PTPRD: variants seen among roughly 807,000 people sequenced by gnomAD.
The protein encoded by PTPRD is protein tyrosine phosphatase receptor type D, also known as receptor-type tyrosine-protein phosphatase delta.
In PTPRD, 34 loss-of-function variants were observed where a neutral mutation model predicts 214.5. That is an observed-to-expected ratio of 0.16 (90% CI 0.12 to 0.21). The LOEUF (loss-of-function observed/expected upper bound fraction) is 0.21. PTPRD is among the 10% of genes least tolerant of loss of function. The pLI is 1.00. For missense variants in PTPRD, 2,545 were observed against 2,398.7 expected (o/e 1.06, Z -1.27); for synonymous variants, 1,128 against 845.7 (o/e 1.33, Z -5.79).
chr9:9,612,922 T>G (rs371337011), intron 7 of PTPRD, among the ~76,000 whole-genome samples: 3 of 151,768 alleles, frequency 2.0e-5, no homozygotes, highest in Non-Finnish European at 4.4e-5. Context: ...CTAGGGTATT[T>G]ACATGGCCAG....
intron 37 of PTPRD, among the ~76,000 whole-genome samples, chr9:8,386,456 T>A (rs934962345): frequency 6.6e-6 from 1 of 152,228 alleles, no homozygotes; most frequent in South Asian, 2.1e-4. Context: ...TAGGAATGAA[T>A]ATTATTTTAA....
chr9:9,924,285 A>C (rs1025688728), intron 5 of PTPRD, among the ~76,000 whole-genome samples: 2 of 152,054 alleles, frequency 1.3e-5, no homozygotes, highest in Non-Finnish European at 2.9e-5. Context: ...TTAAATTAAA[A>C]ACAATTAAGG....
intron 20 of PTPRD, among the ~76,000 whole-genome samples, chr9:8,519,382 C>T (rs1300100430): frequency 1.3e-5 from 2 of 152,162 alleles, no homozygotes; most frequent in Non-Finnish European, 2.9e-5. Flanking sequence ...TTGCTGACCT[C>T]ATATTCAAGT....
intron 3 of PTPRD, among the ~76,000 whole-genome samples, chr9:10,171,235 C>A (rs1593076482): frequency 6.6e-6 from 1 of 152,168 alleles, no homozygotes; most frequent in East Asian, 1.9e-4. Flanking sequence ...ACCCAAATCT[C>A]ATCCTGAGTT....
chr9:8,892,167 A>G lies in PTPRD; in HGVS notation c.-104+126530T>C, dbSNP rs1455144528. On this transcript the variant is annotated intron_variant, in intron 11 of 45. Coordinates refer to ENST00000381196, the MANE Select transcript of PTPRD (RefSeq NM_002839.4). ...AGCATGGGAGAGTTCAGTATGACTA[A>G]CTCCTCCATCCACGCTGCTTTTCCT... 2.0e-4 allele frequency among the ~76,000 whole-genome samples: 31 copies of G among 151,838 alleles called. 1 individual carries two copies. The highest frequency in any genetic ancestry group is 2.0e-3 in the Admixed American group (31 of 15,216).
intron 3 of PTPRD, among the ~76,000 whole-genome samples, chr9:10,202,573 T>A (rs1309799498): frequency 6.7e-6 from 1 of 150,250 alleles, no homozygotes; most frequent in African/African-American, 2.5e-5. Context: ...TATCCTATGT[T>A]TCATGATTTA....
intron 7 of PTPRD, among the ~76,000 whole-genome samples, chr9:9,730,308 T>A (rs191109551): frequency 6.6e-6 from 1 of 152,198 alleles, no homozygotes; most frequent in Non-Finnish European, 1.5e-5. Flanking sequence ...TGCATAAAAT[T>A]TGCATTAGAA....
intron 30 of PTPRD, among the ~76,000 whole-genome samples, chr9:8,481,209 A>G (rs2096878291): frequency 6.7e-6 from 1 of 149,186 alleles, no homozygotes; most frequent in Non-Finnish European, 1.5e-5. Flanking sequence ...CACTGAATTT[A>G]TTTTGGGAAT....
intron 2 of PTPRD, among the ~76,000 whole-genome samples, chr9:10,404,179 A>G (rs370507371): frequency 4.2e-4 from 64 of 151,948 alleles, no homozygotes; most frequent in African/African-American, 1.4e-3. Context: ...AAAAATTTAA[A>G]GTAATAAATA....
intron 3 of PTPRD, among the ~76,000 whole-genome samples, chr9:10,095,711 A>G (rs565760249): frequency 5.3e-5 from 8 of 151,744 alleles, no homozygotes; most frequent in African/African-American, 1.9e-4. Context: ...CATGATAATT[A>G]GCCATAATTA....
At chr9:8,583,968 A>G (rs2093414900) in intron 14 of PTPRD, among the ~76,000 whole-genome samples, 1 of 152,278 alleles carries the variant, frequency 6.6e-6, no homozygotes, top group African/African-American at 2.4e-5. Flanking sequence ...CCTGGGCAAC[A>G]TCACAAAACC....
chr9:8,810,200 A>T (rs1487133770), intron 11 of PTPRD, among the ~76,000 whole-genome samples: 1 of 152,224 alleles, frequency 6.6e-6, no homozygotes, highest in African/African-American at 2.4e-5. Context: ...GAATGACTAC[A>T]TCTTTTGCCA....
At chr9:8,655,007 T>C (rs1012107348) in intron 12 of PTPRD, among the ~76,000 whole-genome samples, 5 of 152,166 alleles carry the variant, frequency 3.3e-5, no homozygotes, top group African/African-American at 9.7e-5. Context: ...CGTAGGATAA[T>C]AGGAATTCAT....
At chr9:9,451,693 A>C (rs974860811) in intron 8 of PTPRD, among the ~76,000 whole-genome samples, 4 of 151,650 alleles carry the variant, frequency 2.6e-5, no homozygotes, top group Admixed American at 1.3e-4. Flanking sequence ...GTTATGTTTC[A>C]AAAAAACCCT....
At chr9:10,590,928 T>C (rs903583420) in intron 2 of PTPRD, among the ~76,000 whole-genome samples, 12 of 150,864 alleles carry the variant, frequency 8.0e-5, no homozygotes, top group African/African-American at 2.9e-4. Flanking sequence ...TATAAATATA[T>C]TACACTGTAT....
intron 35 of PTPRD, among the ~76,000 whole-genome samples, chr9:8,418,555 G>A (rs2094121702): frequency 6.6e-6 from 1 of 150,904 alleles, no homozygotes; most frequent in Non-Finnish European, 1.5e-5. Flanking sequence ...CATGTAAAAT[G>A]TATGTAAAAT....
chr9:8,930,545 C>T (rs2098945454), intron 11 of PTPRD, among the ~76,000 whole-genome samples: 1 of 152,108 alleles, frequency 6.6e-6, no homozygotes, highest in Non-Finnish European at 1.5e-5. Context: ...ACACTGTCTT[C>T]CACAATGGTT....
intron 5 of PTPRD, among the ~76,000 whole-genome samples, chr9:9,771,790 T>G (rs555325752): frequency 6.6e-6 from 1 of 152,194 alleles, no homozygotes; most frequent in African/African-American, 2.4e-5. Context: ...AATAAAATTA[T>G]TATTAAATCC....
chr9:9,434,937 T>C (rs1267140041), intron 8 of PTPRD, among the ~76,000 whole-genome samples: 2 of 150,384 alleles, frequency 1.3e-5, no homozygotes, highest in African/African-American at 4.9e-5. Flanking sequence ...TCTGTTTTCA[T>C]TAGACTTTGA....
Sources: allele counts gnomAD v4.1 joint callset (sites outside exome capture counted in the v4.1 genomes callset), GRCh38; gene constraint gnomAD v4.1.1; transcripts MANE v1.5; gene names NCBI Gene and HGNC (gene_info 2026-07-23, HGNC 2026-07-21).